The following CACNA1S variants were observed in gnomAD, a reference collection of about 807,000 sequenced individuals.
CACNA1S encodes the protein calcium voltage-gated channel subunit alpha1 S.
A neutral mutation model predicts 207.4 loss-of-function variants in CACNA1S; 126 were observed. The observed-to-expected ratio is 0.61, with a 90% CI of 0.53 to 0.70. The LOEUF (loss-of-function observed/expected upper bound fraction) is 0.70, where lower values mean the gene tolerates loss of function less well. Ranked by LOEUF, CACNA1S falls within the 30% of genes least tolerant of loss-of-function variation. The pLI is 0.00. For synonymous variants in CACNA1S, 960 were observed against 932.7 expected, an observed-to-expected ratio of 1.03 and a Z score of -0.53; for missense variants, 2,349 against 2,422.8, an observed-to-expected ratio of 0.97 and a Z score of 0.64.
intron 16 of CACNA1S, among the ~76,000 whole-genome samples, chr1:201,072,387 C>T (rs1461982601): frequency 1.3e-5 from 2 of 152,142 alleles, no homozygotes; most frequent in East Asian, 3.9e-4. Context: ...CTCATCACGA[C>T]ATATATGGGC....
chr1:201,066,670 C>T lies in CACNA1S; in HGVS notation c.2657+217G>A, dbSNP rs996972074. ...GGACCACTTCCTCCTCTCTGCATCTCCTGCCAGTCTCTAGAACAGAGCGCT... is the reference window on the plus strand; with the variant it reads ...GGACCACTTCCTCCTCTCTGCATCTTCTGCCAGTCTCTAGAACAGAGCGCT... On this transcript the variant is annotated intron_variant, in intron 20 of 43. Transcript: ENST00000362061. This position sits in a 1 kb window ranked among gnomAD's most constrained non-coding sequence, Gnocchi z 4.3. Among the ~76,000 whole-genome samples the T allele has an allele frequency of 6.6e-6, 1 of 152,204 alleles. No individual in the cohort carries two copies. The highest frequency in any genetic ancestry group is 2.4e-5 in the African/African-American group (1 of 41,460).
At chr1:201,087,473 A>G (rs1662071759) in intron 7 of CACNA1S, among the ~76,000 whole-genome samples, 1 of 152,170 alleles carries the variant, frequency 6.6e-6, no homozygotes, top group South Asian at 2.1e-4. Flanking sequence ...GGCTTCACTG[A>G]GGAGTGTCAA....
chr1:201,083,713 A>G (rs1661926291), intron 9 of CACNA1S, among the ~76,000 whole-genome samples: 1 of 152,212 alleles, frequency 6.6e-6, no homozygotes, highest in African/African-American at 2.4e-5. Context: ...ATGAGCTTTG[A>G]CAGTACAATC....
intron 2 of CACNA1S, among the ~76,000 whole-genome samples, chr1:201,109,685 A>G (rs74711827): frequency 0.022 from 3,322 of 152,240 alleles, 119 homozygotes; most frequent in African/African-American, 0.076. Flanking sequence ...TGGTATTATA[A>G]AACTCTAAAA....
chr1:201,056,364 T>G (rs112978496), intron 28 of CACNA1S, among the ~76,000 whole-genome samples: 3 of 152,276 alleles, frequency 2.0e-5, no homozygotes, highest in African/African-American at 7.2e-5. Context: ...ACACCCCACC[T>G]CAGGCATCCC....
At chr1:201,091,498 T>C (rs1215504624) in intron 5 of CACNA1S, 142 bp downstream of exon 5, 2 of 939,682 alleles carry the variant, frequency 2.1e-6, no homozygotes, top group South Asian at 1.3e-5. Flanking sequence ...AAGTCCCCCT[T>C]ATCCAGGAGA....
intron 38 of CACNA1S, among the ~76,000 whole-genome samples, 200 bp downstream of exon 38, chr1:201,046,915 G>T (rs541920090): frequency 6.6e-6 from 1 of 152,170 alleles, no homozygotes; most frequent in East Asian, 1.9e-4. Flanking sequence ...GAGATGAAGC[G>T]CCCTGGTTCT....
intron 6 of CACNA1S, among the ~76,000 whole-genome samples, chr1:201,088,690 C>G (rs1662118429): frequency 6.6e-6 from 1 of 152,166 alleles, no homozygotes; most frequent in South Asian, 2.1e-4. Context: ...TGCCTTCCAT[C>G]ATTGAAGGAT....
At chr1:201,075,440 CT>C in intron 13 of CACNA1S, 54 bp downstream of exon 13, 3 of 1,604,828 alleles carry the variant, frequency 1.9e-6, no homozygotes, top group East Asian at 2.2e-5. Context: ...ATTTTAAGCC[CT>C]TTCCCCCACC....
At chr1:201,047,015 G>T in intron 38 of CACNA1S, 100 bp downstream of exon 38, 3 of 1,478,956 alleles carry the variant, frequency 2.0e-6, no homozygotes, top group Admixed American at 1.7e-5. Context: ...TTCCCTCTAT[G>T]TCTCCATCAT....
At chr1:201,112,088 C>A in intron 1 of CACNA1S, 100 bp downstream of exon 1, 1 of 1,209,210 alleles carries the variant, frequency 8.3e-7, no homozygotes, top group Non-Finnish European at 1.2e-6. Flanking sequence ...AAGTGCCAGG[C>A]CTCCCTGGCC....
intron 22 of CACNA1S, among the ~76,000 whole-genome samples, 187 bp from the exon 23 acceptor site, chr1:201,062,701 C>T (rs1173590377): frequency 6.6e-6 from 1 of 152,242 alleles, no homozygotes; most frequent in African/African-American, 2.4e-5. Flanking sequence ...AGAGCAGCCT[C>T]CTTTCTTCAC....
chr1:201,077,752 G>T lies in CACNA1S; in HGVS notation c.1619+127C>A, dbSNP rs1196122808. ...GAGGTTATTTCAAGGAGGGAGGGAA[G>T]TCTGGGCAAGGGACCAGTGGTGAAC... On this transcript the variant is annotated intron_variant, in intron 11 of 43. Transcript: ENST00000362061. 2.0e-5 allele frequency: 13 copies of T among 637,840 alleles called. No homozygotes were observed. The African/African-American group carries it at 2.4e-4, about 12-fold the overall frequency. 39.5% of individuals were successfully genotyped at this position (637,840 alleles called of 1,614,324 possible).
At chr1:201,076,348 G>A (rs560130715) in intron 12 of CACNA1S, among the ~76,000 whole-genome samples, 32 of 152,322 alleles carry the variant, frequency 2.1e-4, no homozygotes, top group African/African-American at 7.7e-4. Flanking sequence ...GGTACAAAAG[G>A]GAGGTGTCAC....
intron 16 of CACNA1S, 53 bp from the exon 17 acceptor site, chr1:201,070,457 C>T: frequency 6.2e-7 from 1 of 1,610,840 alleles, no homozygotes; most frequent in Non-Finnish European, 8.5e-7. Context: ...TTGCTATGCC[C>T]ATGGCTTCTG....
At chr1:201,055,313 C>G (rs1447390492) in intron 28 of CACNA1S, among the ~76,000 whole-genome samples, 2 of 152,160 alleles carry the variant, frequency 1.3e-5, no homozygotes, top group Non-Finnish European at 2.9e-5. Context: ...GCAGATTTTC[C>G]CTGGACCACT....
intron 28 of CACNA1S, among the ~76,000 whole-genome samples, chr1:201,057,536 A>C (rs1660890125): frequency 6.6e-6 from 1 of 152,260 alleles, no homozygotes; most frequent in Non-Finnish European, 1.5e-5. Flanking sequence ...TCAGGCAGCA[A>C]GAATCATGCC....
intron 7 of CACNA1S, among the ~76,000 whole-genome samples, chr1:201,086,161 C>T (rs1293594691): frequency 2.0e-5 from 3 of 152,172 alleles, no homozygotes; most frequent in African/African-American, 7.2e-5. Flanking sequence ...GGGGTAGTCT[C>T]TGAGGAGCTG....
At chr1:201,069,340 A>G (rs901561033) in intron 18 of CACNA1S, 132 bp downstream of exon 18, 55 of 1,449,394 alleles carry the variant, frequency 3.8e-5, no homozygotes, top group Non-Finnish European at 5.1e-5. Flanking sequence ...GGGCAGTCCT[A>G]TCCCTGAGGA....
Sources: allele counts gnomAD v4.1 joint callset (sites outside exome capture counted in the v4.1 genomes callset), GRCh38; gene constraint gnomAD v4.1.1; non-coding constraint Gnocchi (gnomAD v3.1); transcripts MANE v1.5; gene names NCBI Gene and HGNC (gene_info 2026-07-23, HGNC 2026-07-21).